Variants in PTPRM observed in about 807,000 individuals in gnomAD.
PTPRM encodes the protein receptor-type tyrosine-protein phosphatase mu.
A neutral mutation model predicts 186.7 loss-of-function variants in PTPRM; 47 were observed. The ratio of observed to expected loss-of-function variants is 0.25; its 90% CI spans 0.20 to 0.32. PTPRM has a LOEUF of 0.32. PTPRM is among the 10% of genes least tolerant of loss of function. The probability of loss-of-function intolerance (pLI) is 1.00; values close to 1 mark genes in which losing one functional copy is unlikely to be tolerated. For synonymous variants in PTPRM, 668 were observed against 674.9 expected (o/e 0.99, Z 0.16); for missense variants, 1,494 against 1,865.0 (o/e 0.80, Z 3.66).
intron 14 of PTPRM, among the ~76,000 whole-genome samples, chr18:8,164,540 C>T (rs1002495861): frequency 2.0e-5 from 3 of 152,312 alleles, no homozygotes; most frequent in Admixed American, 6.5e-5. Flanking sequence ...AATCCTGACA[C>T]ATGCTACAAC....
intron 19 of PTPRM, among the ~76,000 whole-genome samples, chr18:8,273,933 G>A (rs1361113060): frequency 1.3e-5 from 2 of 152,146 alleles, no homozygotes; most frequent in African/African-American, 4.8e-5. Flanking sequence ...CTGTCAGCAT[G>A]CAGTCCAGTA....
intron 14 of PTPRM, among the ~76,000 whole-genome samples, chr18:8,199,872 A>G (rs1434261325): frequency 1.3e-5 from 2 of 152,148 alleles, no homozygotes; most frequent in African/African-American, 2.4e-5. Context: ...CGCTGTGTGT[A>G]TAAATAAGAT....
intron 21 of PTPRM, among the ~76,000 whole-genome samples, chr18:8,316,265 C>T (rs1454778065): frequency 2.6e-5 from 4 of 152,214 alleles, no homozygotes; most frequent in Non-Finnish European, 5.9e-5. Context: ...AGGCATCTTA[C>T]TTCCCCTGCA....
chr18:8,085,962 C>CA (rs2090410895), intron 10 of PTPRM, 90 bp downstream of exon 10: 2 of 1,254,604 alleles, frequency 1.6e-6, no homozygotes, highest in Admixed American at 3.5e-5. Flanking sequence ...AGCTCGCCCA[C>CA]ACTAACATTG....
At chr18:8,393,491 A>G (rs1316378810) in intron 31 of PTPRM, among the ~76,000 whole-genome samples, 1 of 152,248 alleles carries the variant, frequency 6.6e-6, no homozygotes, top group Non-Finnish European at 1.5e-5. Context: ...CTAAGGAGAC[A>G]GGACAACTAC....
chr18:8,078,798 G>A (rs1049356479), intron 9 of PTPRM, among the ~76,000 whole-genome samples: 3 of 152,154 alleles, frequency 2.0e-5, no homozygotes, highest in African/African-American at 4.8e-5. Context: ...CAGCAGGCAC[G>A]TCACATGGCG....
chr18:7,795,401 C>G (rs1324060331), intron 2 of PTPRM, among the ~76,000 whole-genome samples: 3 of 151,256 alleles, frequency 2.0e-5, no homozygotes, highest in African/African-American at 7.3e-5. Flanking sequence ...CTGTGTAACT[C>G]AGGGTTCTTC....
chr18:8,164,280 A>G (rs2093281911), intron 14 of PTPRM, among the ~76,000 whole-genome samples: 1 of 152,208 alleles, frequency 6.6e-6, no homozygotes, highest in Non-Finnish European at 1.5e-5. Context: ...CATTCAGTGA[A>G]AAAGGTTCTA....
At chr18:7,692,716 T>G (rs2039760114) in intron 1 of PTPRM, among the ~76,000 whole-genome samples, 1 of 152,218 alleles carries the variant, frequency 6.6e-6, no homozygotes, top group Non-Finnish European at 1.5e-5. Context: ...TTCACTGGTT[T>G]AAATCAAATC....
intron 1 of PTPRM, among the ~76,000 whole-genome samples, chr18:7,692,590 A>G (rs1246156868): frequency 1.3e-5 from 2 of 152,240 alleles, no homozygotes; most frequent in African/African-American, 4.8e-5. Flanking sequence ...TTGAATCATT[A>G]TGTGAAACAG....
At chr18:8,365,937 A>G (rs2095626355) in intron 23 of PTPRM, 1 of 152,246 alleles carries the variant, frequency 6.6e-6, no homozygotes, top group South Asian at 2.1e-4. Context: ...ATCACATTGT[A>G]TCAATTAATC....
chr18:8,392,924 G>A (rs1433556081), intron 31 of PTPRM, among the ~76,000 whole-genome samples: 1 of 152,106 alleles, frequency 6.6e-6, no homozygotes, highest in Non-Finnish European at 1.5e-5. Context: ...AACAATAATA[G>A]GGAAGAAGAG....
At chr18:7,786,683 C>T (rs1206440927) in intron 2 of PTPRM, among the ~76,000 whole-genome samples, 5 of 152,210 alleles carry the variant, frequency 3.3e-5, no homozygotes, top group Non-Finnish European at 5.9e-5. Flanking sequence ...TCCTATTACA[C>T]ACCTTGTGAA....
At chr18:8,221,029 A>G (rs754145065) in intron 14 of PTPRM, among the ~76,000 whole-genome samples, 1 of 152,222 alleles carries the variant, frequency 6.6e-6, no homozygotes, top group Non-Finnish European at 1.5e-5. Flanking sequence ...CCCTTGAAAA[A>G]TAGAGGCACT....
chr18:8,128,965 G>A (rs1251588047), intron 13 of PTPRM, among the ~76,000 whole-genome samples: 1 of 152,010 alleles, frequency 6.6e-6, no homozygotes, highest in Non-Finnish European at 1.5e-5. Context: ...AGAGCTTTCT[G>A]GCTTGAATGG....
At chr18:7,845,401 T>C (rs565754324) in intron 2 of PTPRM, among the ~76,000 whole-genome samples, 40 of 152,322 alleles carry the variant, frequency 2.6e-4, no homozygotes, top group African/African-American at 9.4e-4. Flanking sequence ...ATAAGTTAGC[T>C]TGTGTGTTCA....
chr18:8,108,002 T>A (rs2091598369), intron 11 of PTPRM, among the ~76,000 whole-genome samples: 1 of 152,200 alleles, frequency 6.6e-6, no homozygotes, highest in Non-Finnish European at 1.5e-5. Context: ...AGGGTGTCAT[T>A]TCAGTAAATG....
At chr18:7,716,029 A>G (rs1011780246) in intron 1 of PTPRM, among the ~76,000 whole-genome samples, 5 of 152,212 alleles carry the variant, frequency 3.3e-5, no homozygotes, top group Non-Finnish European at 7.4e-5. Context: ...TTCACATGGA[A>G]CCAAAAATAG....
chr18:8,180,137 A>G (rs989336085), intron 14 of PTPRM, among the ~76,000 whole-genome samples: 4 of 151,978 alleles, frequency 2.6e-5, no homozygotes, highest in South Asian at 2.1e-4. Flanking sequence ...AAGGGAGGGG[A>G]AAAAAAACAT....
Sources: allele counts gnomAD v4.1 joint callset (sites outside exome capture counted in the v4.1 genomes callset), GRCh38; gene constraint gnomAD v4.1.1; transcripts MANE v1.5; gene names NCBI Gene and HGNC (gene_info 2026-07-23, HGNC 2026-07-21).